BRCA1: variants seen among roughly 807,000 people sequenced by gnomAD.
The protein encoded by BRCA1 is BRCA1 DNA repair associated, also known as breast cancer type 1 susceptibility protein.
BRCA1 carries 140 observed loss-of-function variants against 173.7 expected under a neutral mutation model. The ratio of observed to expected loss-of-function variants is 0.81; its 90% CI spans 0.70 to 0.93. The LOEUF (loss-of-function observed/expected upper bound fraction) is 0.93. BRCA1 is among the 40% of genes least tolerant of loss of function. The probability of loss-of-function intolerance (pLI) is 0.00; values close to 1 mark genes in which losing one functional copy is unlikely to be tolerated. For missense variants in BRCA1, 1,983 were observed against 2,172.5 expected (o/e 0.91, Z 1.73); for synonymous variants, 662 against 756.0 (o/e 0.88, Z 2.04).
chr17:43,104,516 GC>G (rs771217677), intron 5 of BRCA1, among the ~76,000 whole-genome samples: 3 of 152,052 alleles, frequency 2.0e-5, no homozygotes, highest in Non-Finnish European at 2.9e-5. Flanking sequence ...TAAGAAATTT[GC>G]CTATCAATAC....
At chr17:43,129,158 C>T (rs2055943169), upstream of BRCA1, among the ~76,000 whole-genome samples, 1 of 152,192 alleles carries the variant, frequency 6.6e-6, no homozygotes, top group Admixed American at 6.5e-5. Flanking sequence ...AAGCTGAAGG[C>T]CTAGGACCCA....
chr17:43,048,905 A>G (rs1405403098), intron 21 of BRCA1, among the ~76,000 whole-genome samples: 1 of 152,088 alleles, frequency 6.6e-6, no homozygotes, highest in Non-Finnish European at 1.5e-5. Context: ...TGGGAAAAAG[A>G]GTTAGAGGGA....
chr17:43,044,744 T>G lies in BRCA1; in HGVS notation c.*934A>C, dbSNP rs1365050441. The G allele has an allele frequency of 2.0e-6, 1 of 500,022 alleles. No homozygotes were observed. The highest frequency in any genetic ancestry group is 3.9e-6 in the Non-Finnish European group (1 of 255,196). 31.0% of individuals were successfully genotyped at this position (500,022 alleles called of 1,614,324 possible). Reference sequence around the variant, plus strand: ...AATCTTCTGCTGTTTTAGAACACATTCTTTAGAAATCTAGCAAATATATCT... The same window carrying G: ...AATCTTCTGCTGTTTTAGAACACATGCTTTAGAAATCTAGCAAATATATCT... On this transcript the variant is annotated 3_prime_UTR_variant, in exon 23 of 23. Coordinates refer to ENST00000357654, the MANE Select transcript of BRCA1 (RefSeq NM_007294.4).
At chr17:43,111,937 C>G (rs1001561705) in intron 3 of BRCA1, among the ~76,000 whole-genome samples, 1 of 152,138 alleles carries the variant, frequency 6.6e-6, no homozygotes, top group Non-Finnish European at 1.5e-5. Flanking sequence ...TAGAGTTTAT[C>G]CGTAGAAAAT....
chr17:43,097,218 A>C, intron 8 of BRCA1, 26 bp downstream of exon 8: 1 of 1,606,356 alleles, frequency 6.2e-7, no homozygotes. Flanking sequence ...TACCAGCTTC[A>C]TAGACAAAGG....
chr17:43,124,867 C>T, intron 1 of BRCA1: 1 of 301,194 alleles, frequency 3.3e-6, no homozygotes. Context: ...AGCGATTCTC[C>T]TGCCTCAGCC....
intron 1 of BRCA1, chr17:43,169,800 CCAGTTAT>C (rs1229257911): frequency 4.0e-6 from 1 of 252,070 alleles, no homozygotes; most frequent in Non-Finnish European, 7.9e-6. Flanking sequence ...GCCCAGGGGC[CCAGTTAT>C]CTGAGAAACC....
In BRCA1 at chr17:43,102,519, G is replaced by C. The variant is rs557399986; in HGVS notation, c.441+1603C>G. Among the ~76,000 whole-genome samples, 18 of 151,712 alleles carry C rather than the reference G, an allele frequency of 1.2e-4. No homozygotes were observed. In the South Asian group the frequency reaches 3.7e-3, roughly 32 times the overall value. ...TTACAGGCACGTGCCACCACACCCA[G>C]CTAATTTTTGTATTTTTAGTAGAGA... On this transcript the variant is annotated intron_variant, in intron 6 of 22. Coordinates refer to ENST00000357654, the MANE Select transcript of BRCA1 (RefSeq NM_007294.4).
intron 13 of BRCA1, among the ~76,000 whole-genome samples, chr17:43,074,892 G>T (rs1178053872): frequency 6.6e-6 from 1 of 151,110 alleles, no homozygotes; most frequent in Non-Finnish European, 1.5e-5. Flanking sequence ...CTGCACTCCA[G>T]CCTGAGTGAC....
rs769765263 is a variant in BRCA1 at position 43,086,651 on chromosome 17, T to C, written c.4186-4076A>G. Among the ~76,000 whole-genome samples, 73 of 152,314 alleles carry C rather than the reference T, an allele frequency of 4.8e-4. 1 individual carries two copies. The highest frequency in any genetic ancestry group is 6.8e-3 in the Middle Eastern group (2 of 294). On this transcript the variant is annotated intron_variant, in intron 11 of 22. Transcript: ENST00000357654. ...TACAGAAAAACAAGGACATTGTATA[T>C]TGAATGTCAAATATAATACAGTATG...
chr17:43,145,488 G>A (rs1381301532), intron 1 of BRCA1, among the ~76,000 whole-genome samples: 2 of 151,860 alleles, frequency 1.3e-5, no homozygotes, highest in Non-Finnish European at 2.9e-5. Flanking sequence ...CATCACGCCC[G>A]GCTAATTTTT....
chr17:43,056,465 C>T (rs1024728373), intron 19 of BRCA1, among the ~76,000 whole-genome samples: 1 of 152,152 alleles, frequency 6.6e-6, no homozygotes, highest in Admixed American at 6.6e-5. Flanking sequence ...AGGAACGAGC[C>T]GCTGTGCCTG....
At chr17:43,050,987 G>T (rs2153043673) in intron 20 of BRCA1, 76 bp downstream of exon 20, 1 of 1,424,034 alleles carries the variant, frequency 7.0e-7, no homozygotes. Flanking sequence ...CCCCCATCGT[G>T]GGATCTTGCT....
At chr17:43,081,356 T>C (rs1203142866) in intron 12 of BRCA1, among the ~76,000 whole-genome samples, 1 of 152,234 alleles carries the variant, frequency 6.6e-6, no homozygotes, top group Non-Finnish European at 1.5e-5. Flanking sequence ...ATCCAAGAGC[T>C]ACTGTTTCTT....
At chr17:43,156,880 A>G (rs1293119337) in intron 1 of BRCA1, among the ~76,000 whole-genome samples, 2 of 152,372 alleles carry the variant, frequency 1.3e-5, no homozygotes, top group Middle Eastern at 3.4e-3. Context: ...GAAAAGGGAA[A>G]AGGAAAAAAA....
rs2055246676 is a variant in BRCA1 at position 43,115,734 on chromosome 17, T to C, written c.126A>G (p.Ile42Met). Residue 42 changes from isoleucine (I) to methionine (M), a missense_variant, in exon 3 of 23, where the codon ATA becomes ATG. Physicochemically the swap from Ile to Met is conservative, Grantham distance 10 (BLOSUM62 1). Transcript: ENST00000357654. The part of the protein sequence containing the change: ...KEPVSTKCDH[I>M]FCKFCMLKLL... ...AACACATTCAAACTTACTTGCAAAA[T>C]ATGTGGTCACACTTTGTGGAGACAG... is the stretch of plus-strand genomic sequence containing the variant. The C allele has an allele frequency of 1.2e-6, 2 of 1,613,492 alleles. No individual in the cohort carries two copies. Among genetic ancestry groups the C allele is most frequent in the Non-Finnish European group, 1.7e-6 (2 of 1,179,734 alleles).
intron 1 of BRCA1, among the ~76,000 whole-genome samples, chr17:43,149,854 TC>T (rs2056149637): frequency 6.6e-6 from 1 of 152,114 alleles, no homozygotes; most frequent in African/African-American, 2.4e-5. Context: ...AGTGGCATGA[TC>T]TCAGCTCACT....
At chr17:43,097,751 C>A (rs937336876) in intron 7 of BRCA1, among the ~76,000 whole-genome samples, 2 of 152,124 alleles carry the variant, frequency 1.3e-5, no homozygotes, top group Non-Finnish European at 2.9e-5. Context: ...ATAATAGGAA[C>A]AATCTCAGAG....
At chr17:43,124,198 A>G in intron 1 of BRCA1, 83 bp from the exon 2 acceptor site, 1 of 837,186 alleles carries the variant, frequency 1.2e-6, no homozygotes, top group Non-Finnish European at 1.9e-6. Context: ...TTTTAAAATA[A>G]AGTAAATTTA....
Sources: allele counts gnomAD v4.1 joint callset (sites outside exome capture counted in the v4.1 genomes callset), GRCh38; gene constraint gnomAD v4.1.1; transcripts MANE v1.5; gene names NCBI Gene and HGNC (gene_info 2026-07-23, HGNC 2026-07-21).